Variants in KCNMA1 observed in about 807,000 individuals in gnomAD.
The protein encoded by KCNMA1 is Calcium-activated potassium channel subunit alpha-1.
Under a neutral mutation model 140.0 loss-of-function variants are expected in KCNMA1, and 29 were observed. The ratio of observed to expected loss-of-function variants is 0.21; its 90% CI spans 0.15 to 0.28. The LOEUF (loss-of-function observed/expected upper bound fraction) is 0.28. Among genes scored for constraint, KCNMA1 ranks in the 10% least tolerant of loss-of-function variants. KCNMA1 has a pLI of 1.00. For missense variants in KCNMA1, 880 were observed against 1,602.2 expected, an observed-to-expected ratio of 0.55 and a Z score of 7.70; for synonymous variants, 612 against 611.9, an observed-to-expected ratio of 1.00 and a Z score of 0.00.
At chr10:77,364,243 G>A (rs1029518219) in intron 2 of KCNMA1, among the ~76,000 whole-genome samples, 4 of 152,176 alleles carry the variant, frequency 2.6e-5, no homozygotes, top group African/African-American at 9.6e-5. Flanking sequence ...CTGAGATCAG[G>A]AGTTCAAGAC....
chr10:77,464,457 TA>T (rs5786289), intron 1 of KCNMA1, among the ~76,000 whole-genome samples: 12,775 of 146,450 alleles, frequency 0.087, 1,387 homozygotes, highest in African/African-American at 0.26. Flanking sequence ...ATCTCTCCAT[TA>T]AAAAAAAAAA....
intron 19 of KCNMA1, among the ~76,000 whole-genome samples, chr10:76,990,795 G>A (rs2082531120): frequency 6.6e-6 from 1 of 152,200 alleles, no homozygotes; most frequent in African/African-American, 2.4e-5. Context: ...GAAATGGCCA[G>A]ATCAGCCTTG....
intron 2 of KCNMA1, among the ~76,000 whole-genome samples, chr10:77,287,486 A>G (rs1355445669): frequency 6.6e-6 from 1 of 152,236 alleles, no homozygotes; most frequent in African/African-American, 2.4e-5. Context: ...TGATGAAAGA[A>G]GCCAATTTGG....
At chr10:76,989,996 T>C (rs1272263391) in intron 19 of KCNMA1, among the ~76,000 whole-genome samples, 1 of 152,204 alleles carries the variant, frequency 6.6e-6, no homozygotes, top group Admixed American at 6.5e-5. Flanking sequence ...TAATTCAACA[T>C]ATACCAGGCA....
chr10:77,354,417 C>A (rs2093272598), intron 2 of KCNMA1: 3 of 152,218 alleles, frequency 2.0e-5, no homozygotes, highest in Non-Finnish European at 2.9e-5. Flanking sequence ...CAGTGTGAGA[C>A]ATCTGGGGAG....
intron 15 of KCNMA1, among the ~76,000 whole-genome samples, chr10:77,037,151 C>T (rs1347846393): frequency 6.6e-6 from 1 of 152,206 alleles, no homozygotes; most frequent in Non-Finnish European, 1.5e-5. Context: ...CTAGTGCCAG[C>T]TCTTGAGCTG....
chr10:77,531,053 C>G (rs1225362016), intron 1 of KCNMA1, among the ~76,000 whole-genome samples: 1 of 152,138 alleles, frequency 6.6e-6, no homozygotes, highest in African/African-American at 2.4e-5. Context: ...ACCTCTTAGG[C>G]CAAACAAAGC....
At chr10:77,151,137 TTTC>T (rs879376134) in intron 5 of KCNMA1, among the ~76,000 whole-genome samples, 108 of 151,600 alleles carry the variant, frequency 7.1e-4, no homozygotes, top group African/African-American at 2.5e-3. Context: ...CCTTCCTTTC[TTTC>T]TTCTTTCTTT....
chr10:77,494,048 G>A (rs2040931576), intron 1 of KCNMA1: 1 of 152,120 alleles, frequency 6.6e-6, no homozygotes, highest in South Asian at 2.1e-4. Context: ...TGCTTTCTGG[G>A]GGCTGATGAG....
Position 77,483,025 on chromosome 10 carries a change from CA to C in KCNMA1, c.379-79003del, listed in dbSNP as rs1218381625. Among the ~76,000 whole-genome samples the C allele has an allele frequency of 6.5e-4, 98 of 150,388 alleles. 1 individual carries two copies. In the East Asian group the frequency reaches 0.01, roughly 16 times the overall value. On this transcript the variant is annotated intron_variant, in intron 1 of 27. Transcript: ENST00000286628. ...ACACACACACACACACACACACACA[CA>C]CACACACACACACACCCCTTGTTCT...
At chr10:77,596,801 C>T (rs975698148) in intron 1 of KCNMA1, among the ~76,000 whole-genome samples, 2 of 152,198 alleles carry the variant, frequency 1.3e-5, no homozygotes, top group African/African-American at 4.8e-5. Context: ...CAAATACAAG[C>T]TCCAAAAAAG....
chr10:77,008,198 C>T, intron 18 of KCNMA1: 13 of 1,534,718 alleles, frequency 8.5e-6, no homozygotes, highest in Non-Finnish European at 1.0e-5. Context: ...ATATCACTAC[C>T]AGTGTGCAGT....
intron 2 of KCNMA1, chr10:77,350,292 TC>T (rs2092717946): frequency 6.6e-6 from 1 of 152,254 alleles, no homozygotes; most frequent in Admixed American, 6.5e-5. Context: ...GGTAACTATT[TC>T]TTGTGCAAGA....
At chr10:76,930,799 A>G (rs1291227074) in intron 23 of KCNMA1, among the ~76,000 whole-genome samples, 2 of 152,230 alleles carry the variant, frequency 1.3e-5, no homozygotes, top group African/African-American at 4.8e-5. Flanking sequence ...ATAATGGAAT[A>G]TTATTCAGCC....
rs2051540020 is a variant in KCNMA1 at position 77,226,666 on chromosome 10, C to T, written c.602+24529G>A. Among the ~76,000 whole-genome samples the T allele has an allele frequency of 2.6e-5, 4 of 152,194 alleles. No individual in the cohort carries two copies. The South Asian group carries it at 8.3e-4, about 31-fold the overall frequency. On this transcript the variant is annotated intron_variant, in intron 3 of 27. Coordinates refer to ENST00000286628, the MANE Select transcript of KCNMA1 (RefSeq NM_001161352.2). ...TTCCCAGGGAGAAAAGAACTGACAA[C>T]TGGCACTAAGTAATCTACAACAGAG...
chr10:77,307,205 T>C (rs7906039), intron 2 of KCNMA1, among the ~76,000 whole-genome samples: 1,604 of 152,290 alleles, frequency 0.011, 30 homozygotes, highest in African/African-American at 0.037. Flanking sequence ...TGGTTTTACA[T>C]AGCTCATCCA....
chr10:77,078,272 CT>C (rs1425117188), intron 13 of KCNMA1, among the ~76,000 whole-genome samples: 2 of 152,194 alleles, frequency 1.3e-5, no homozygotes, highest in Non-Finnish European at 2.9e-5. Context: ...CCTCCGGTTT[CT>C]AGGTTTCATT....
At chr10:77,540,121 C>A (rs531849820) in intron 1 of KCNMA1, among the ~76,000 whole-genome samples, 8 of 152,220 alleles carry the variant, frequency 5.3e-5, no homozygotes, top group Non-Finnish European at 1.0e-4. Flanking sequence ...ATTTCACAGA[C>A]CTGGGTTGCT....
At chr10:77,257,811 C>G (rs1221091941) in intron 2 of KCNMA1, among the ~76,000 whole-genome samples, 1 of 152,108 alleles carries the variant, frequency 6.6e-6, no homozygotes, top group Non-Finnish European at 1.5e-5. Context: ...TCTTCCCTGC[C>G]AACATGTAAG....
Sources: allele counts gnomAD v4.1 joint callset (sites outside exome capture counted in the v4.1 genomes callset), GRCh38; gene constraint gnomAD v4.1.1; transcripts MANE v1.5; gene names NCBI Gene and HGNC (gene_info 2026-07-23, HGNC 2026-07-21).